Variants in MTR observed in about 807,000 individuals in gnomAD.
MTR encodes the protein 5-methyltetrahydrofolate-homocysteine methyltransferase, also known as methionine synthase.
In MTR, 84 loss-of-function variants were observed where a neutral mutation model predicts 154.8. That is an observed-to-expected ratio of 0.54 (90% CI 0.45 to 0.65). The LOEUF is 0.65. MTR is among the 30% of genes least tolerant of loss of function. The probability of loss-of-function intolerance (pLI) is 0.00; values close to 1 mark genes in which losing one functional copy is unlikely to be tolerated. For missense variants in MTR, 1,275 were observed against 1,570.2 expected (o/e 0.81, Z 3.18); for synonymous variants, 554 against 553.9 (o/e 1.00, Z 0.00).
In MTR at chr1:236,810,412, T is replaced by C. The variant is rs1661227343; in HGVS notation, c.410-91T>C. ...TTGTGGACAAAAGATTATAGACCTG[T>C]GTTCCAGAAAAAAATCTTATTGGCT... is the stretch of plus-strand genomic sequence containing the variant. On this transcript the variant is annotated intron_variant, in intron 4 of 32. Transcript: ENST00000366577. 3 of 1,041,502 alleles carry C rather than the reference T, an allele frequency of 2.9e-6. No individual in the cohort carries two copies. In the African/African-American group the frequency reaches 4.7e-5, roughly 16 times the overall value. 64.5% of individuals were successfully genotyped at this position (1,041,502 alleles called of 1,614,324 possible).
At chr1:236,885,033 C>A in intron 25 of MTR, 88 bp from the exon 26 acceptor site, 2 of 830,592 alleles carry the variant, frequency 2.4e-6, no homozygotes, top group African/African-American at 1.7e-5. Flanking sequence ...GTTAAGGAAG[C>A]CTTCCTGAAG....
Position 236,810,558 on chromosome 1 carries a change from G to T in MTR, c.465G>T (p.Val155=), listed in dbSNP as rs758547775. 2 of 1,613,862 alleles carry T rather than the reference G, an allele frequency of 1.2e-6. No homozygotes were observed. The highest frequency in any genetic ancestry group is 2.2e-5 in the South Asian group (2 of 91,082). Residue 155 remains valine (V), a synonymous_variant, in exon 5 of 33, where the codon GTG becomes GTT. Coordinates refer to ENST00000366577, the MANE Select transcript of MTR (RefSeq NM_000254.3). ...ALGPTNKTLS[V]SPSVERPDYR... ...GTCCGACTAATAAGACACTCTCTGT[G>T]TCCCCATCTGTGGAAAGGCCGGATT...
At position 236,845,368 on chromosome 1, in the gene MTR, T is replaced by G. The variant is rs1013259539; in HGVS notation, c.1516-4976T>G. On this transcript the variant is annotated intron_variant, in intron 15 of 32. Coordinates refer to ENST00000366577, the MANE Select transcript of MTR (RefSeq NM_000254.3). ...CATTAAGGTAATGTTTTATCCCTAC[T>G]AAATTAGTAAAGTAAAAAATGGTCA... Among the ~76,000 whole-genome samples the G allele has an allele frequency of 4.6e-5, 7 of 152,352 alleles. 1 individual carries two copies. The highest frequency in any genetic ancestry group is 1.3e-4 in the Admixed American group (2 of 15,304).
intron 18 of MTR, among the ~76,000 whole-genome samples, chr1:236,854,490 A>G (rs1305956901): frequency 6.6e-6 from 1 of 152,130 alleles, no homozygotes; most frequent in East Asian, 1.9e-4. Flanking sequence ...ACATTGAGAC[A>G]TGGGCGTTAA....
intron 32 of MTR, among the ~76,000 whole-genome samples, chr1:236,897,339 C>CACACACACACACACACACACACAT (rs1666717920): frequency 6.6e-6 from 1 of 151,364 alleles, no homozygotes; most frequent in Admixed American, 6.6e-5. Flanking sequence ...CACACACACA[C>CACACACACACACACACACACACAT]ACACATACAG....
At chr1:236,839,214 ATAAACT>A (rs951280784) in intron 15 of MTR, among the ~76,000 whole-genome samples, 1 of 152,198 alleles carries the variant, frequency 6.6e-6, no homozygotes, top group African/African-American at 2.4e-5. Flanking sequence ...TTGGAAGAAA[ATAAACT>A]TAGATTCCCA....
At position 236,815,622 on chromosome 1, in the gene MTR, C is replaced by T. The variant is rs767477474; in HGVS notation, c.628C>T (p.Gln210Ter). 6.2e-7 allele frequency: 1 copy of T among 1,613,946 alleles called. No homozygotes were observed. Among genetic ancestry groups the T allele is most frequent in the East Asian group, 2.2e-5 (1 of 44,862 alleles). ...CTGACAGGCAGCCTTGTTTGCACTC[C>T]AAAATCTTTTTGAGGAGAAATATGC... ...ANAKAALFALQNLFEEKYAPR... is the reference protein window; with the variant it reads ...ANAKAALFAL Residue 210 changes from glutamine to a stop codon, truncating the protein, a stop_gained, in exon 7 of 33, where the codon CAA (glutamine) becomes TAA (stop). Coordinates refer to ENST00000366577, the MANE Select transcript of MTR (RefSeq NM_000254.3). LOFTEE classifies it high-confidence loss of function.
intron 24 of MTR, among the ~76,000 whole-genome samples, chr1:236,875,464 C>G (rs1221931096): frequency 1.3e-5 from 2 of 152,174 alleles, no homozygotes; most frequent in African/African-American, 4.8e-5. Flanking sequence ...CAGATTTTTC[C>G]TGGGATCATG....
rs1250495478 is a variant in MTR at position 236,873,860 on chromosome 1, T to C, written c.2473+20T>C. On this transcript the variant is annotated intron_variant, in intron 23 of 32. Coordinates refer to ENST00000366577, the MANE Select transcript of MTR (RefSeq NM_000254.3). ...AAGCAGGTACTGTGCAACTATACTT[T>C]GGGCATTTCTCTAAATGTCATATCC... 4 of 1,610,210 alleles carry C rather than the reference T, an allele frequency of 2.5e-6. No homozygotes were observed. The highest frequency in any genetic ancestry group is 2.5e-6 in the Non-Finnish European group (3 of 1,176,506).
intron 2 of MTR, among the ~76,000 whole-genome samples, 161 bp downstream of exon 2, chr1:236,803,803 G>A (rs1572182095): frequency 6.6e-6 from 1 of 152,358 alleles, no homozygotes; most frequent in South Asian, 2.1e-4. Context: ...GTTATGTACT[G>A]TGTTAAGCAC....
At chr1:236,897,443 T>G (rs185686544) in intron 32 of MTR, 115 bp from the exon 33 acceptor site, 61 of 1,009,310 alleles carry the variant, frequency 6.0e-5, no homozygotes, top group Admixed American at 2.3e-4. Context: ...CTCTGTAGAT[T>G]GCTATTAAGA....
At chr1:236,821,060 A>G (rs539008282) in intron 8 of MTR, among the ~76,000 whole-genome samples, 1 of 152,338 alleles carries the variant, frequency 6.6e-6, no homozygotes, top group African/African-American at 2.4e-5. Flanking sequence ...TCTACTTTCT[A>G]TCGCTATAAC....
rs1471694660 is a variant in MTR, at chr1:236,795,710, C to T, written c.7C>T (p.Pro3Ser). ...AAGGAGGAGACTCGACAACATGTCA[C>T]CCGCGCTCCAAGACCTGTCGCAACC... MSPALQDLSQPEG... is the reference protein window; with the variant it reads MSSALQDLSQPEG... Residue 3 changes from proline (P) to serine (S), a missense_variant, in exon 1 of 33, where the codon CCC becomes TCC. By Grantham distance (74) the Pro-to-Ser change is moderately conservative. Transcript: ENST00000366577. 1.2e-6 allele frequency: 2 copies of T among 1,614,178 alleles called. No individual in the cohort carries two copies. Among genetic ancestry groups the T allele is most frequent in the Middle Eastern group, 1.6e-4 (1 of 6,062 alleles).
chr1:236,864,894 T>C (rs1664742975), intron 22 of MTR, among the ~76,000 whole-genome samples: 2 of 152,224 alleles, frequency 1.3e-5, no homozygotes, highest in African/African-American at 2.4e-5. Flanking sequence ...TCAGGCTAAA[T>C]AGCCAGGTAC....
At chr1:236,840,000 A>G (rs1219802025) in intron 15 of MTR, among the ~76,000 whole-genome samples, 2 of 152,216 alleles carry the variant, frequency 1.3e-5, no homozygotes, top group Non-Finnish European at 1.5e-5. Flanking sequence ...ATGGTTGTCA[A>G]CTGGGTGGGG....
Position 236,894,643 on chromosome 1 carries a change from C to T in MTR, c.3405+86C>T. Reference sequence around the variant, plus strand: ...GGTGGGTGCCTGAAGACTGATCAGCCCTTAGAACCAGTGTCTTTTTTTTTT... The same window carrying T: ...GGTGGGTGCCTGAAGACTGATCAGCTCTTAGAACCAGTGTCTTTTTTTTTT... On this transcript the variant is annotated intron_variant, in intron 30 of 32. Coordinates refer to ENST00000366577, the MANE Select transcript of MTR (RefSeq NM_000254.3). The T allele has an allele frequency of 2.2e-6, 3 of 1,362,754 alleles. No individual in the cohort carries two copies. In the South Asian group the frequency reaches 3.7e-5, roughly 17 times the overall value. The allele number at this position is 1,362,754 out of a possible 1,614,324, so 84.4% of individuals were successfully genotyped here.
intron 2 of MTR, 104 bp downstream of exon 2, chr1:236,803,746 T>G: frequency 8.9e-7 from 1 of 1,119,982 alleles, no homozygotes; most frequent in Non-Finnish European, 1.3e-6. Context: ...GAATAAAGAA[T>G]AAAGAGGCAA....
chr1:236,819,736 T>C, intron 8 of MTR: 1 of 735,378 alleles, frequency 1.4e-6, no homozygotes, highest in Middle Eastern at 2.6e-4. Flanking sequence ...GACTTCCAAA[T>C]GAAGCAGTAC....
In MTR at chr1:236,856,900, A is replaced by G. The variant is rs956569728; in HGVS notation, c.1954-2933A>G. ...GGCTTCATAGTATTCCATGGTGTATATGTGCCACATTTTCTTTATCCAGTC... is the reference window on the plus strand; with the variant it reads ...GGCTTCATAGTATTCCATGGTGTATGTGTGCCACATTTTCTTTATCCAGTC... On this transcript the variant is annotated intron_variant, in intron 18 of 32. Transcript: ENST00000366577. 1.3e-4 allele frequency among the ~76,000 whole-genome samples: 20 copies of G among 152,202 alleles called. No homozygotes were observed. In the Middle Eastern group the frequency reaches 0.014, roughly 104 times the overall value.
Sources: allele counts gnomAD v4.1 joint callset (sites outside exome capture counted in the v4.1 genomes callset), GRCh38; gene constraint gnomAD v4.1.1; transcripts MANE v1.5; gene names NCBI Gene and HGNC (gene_info 2026-07-23, HGNC 2026-07-21).